TMEM38B: variants seen among roughly 807,000 people sequenced by gnomAD.
TMEM38B encodes trimeric intracellular cation channel type B.
TMEM38B carries 24 observed loss-of-function variants against 28.7 expected under a neutral mutation model. That is an observed-to-expected ratio of 0.84 (90% confidence interval 0.61 to 1.18). The LOEUF (loss-of-function observed/expected upper bound fraction) is 1.18. TMEM38B is among the 50% of genes most tolerant of loss of function. The pLI is 0.00. For missense variants in TMEM38B, 380 were observed against 350.9 expected, an observed-to-expected ratio of 1.08 and a Z score of -0.66; for synonymous variants, 131 against 127.7, an observed-to-expected ratio of 1.03 and a Z score of -0.17.
At chr9:105,759,697 C>T (rs1837964264) in intron 5 of TMEM38B, 2 of 1,598,198 alleles carry the variant, frequency 1.3e-6, no homozygotes, top group African/African-American at 1.3e-5. Flanking sequence ...AGAGTCTAAG[C>T]CCAAACAGGA....
intron 5 of TMEM38B, among the ~76,000 whole-genome samples, chr9:105,754,356 C>T (rs949411978): frequency 3.3e-5 from 5 of 152,182 alleles, no homozygotes; most frequent in Non-Finnish European, 7.3e-5. Flanking sequence ...CCACACAGCA[C>T]TTAATATAAA....
intron 1 of TMEM38B, chr9:105,701,242 C>T (rs566374784): frequency 1.0e-3 from 154 of 152,224 alleles, no homozygotes; most frequent in African/African-American, 3.5e-3. Context: ...TTTGAACTTC[C>T]TACTTTCTGG....
chr9:105,710,867 C>G, intron 2 of TMEM38B: 6 of 333,562 alleles, frequency 1.8e-5, no homozygotes, highest in South Asian at 1.7e-4. Context: ...CACACACAGC[C>G]AGAGGGCTCC....
At chr9:105,745,936 C>T (rs1837374377) in intron 4 of TMEM38B, among the ~76,000 whole-genome samples, 1 of 152,038 alleles carries the variant, frequency 6.6e-6, no homozygotes, top group African/African-American at 2.4e-5. Context: ...TTCCATTGGT[C>T]TATATCTCTG....
At position 105,748,087 on chromosome 9, in the gene TMEM38B, C is replaced by A. The variant is rs1050746594; in HGVS notation, c.557C>A (p.Thr186Asn). ...WLKMSYPAKV[T>N]LLGSVIFTFQ... ...TTTATTTTCAGCCCTGCCAAGGTAA[C>A]CCTGCTGGGGTCAGTTATCTTCACA... Residue 186 changes from threonine (T) to asparagine (N), a missense_variant, in exon 5 of 6, where the codon ACC (threonine) becomes AAC (asparagine). Transcript: ENST00000374692. 2 of 1,612,592 alleles carry A rather than the reference C, an allele frequency of 1.2e-6. No individual in the cohort carries two copies. The highest frequency in any genetic ancestry group is 1.7e-5 in the Admixed American group (1 of 59,842).
intron 2 of TMEM38B, among the ~76,000 whole-genome samples, chr9:105,708,884 T>C (rs1358367476): frequency 1.3e-5 from 2 of 152,052 alleles, no homozygotes; most frequent in African/African-American, 2.4e-5. Context: ...CTAACTATAC[T>C]GGAATAATAG....
chr9:105,756,868 A>G (rs1837851328), intron 5 of TMEM38B, among the ~76,000 whole-genome samples: 1 of 152,158 alleles, frequency 6.6e-6, no homozygotes, highest in African/African-American at 2.4e-5. Context: ...GATTTTACTG[A>G]TACTGATAAT....
chr9:105,730,564 A>G (rs1265969084), intron 4 of TMEM38B, among the ~76,000 whole-genome samples: 1 of 152,152 alleles, frequency 6.6e-6, no homozygotes, highest in Non-Finnish European at 1.5e-5. Flanking sequence ...TGGTATCAGG[A>G]TGATGCTGGC....
At position 105,773,887 on chromosome 9, in the gene TMEM38B, C is replaced by A. The variant is rs771679148; in HGVS notation, c.683C>A (p.Thr228Asn). ...CAGATAACCATGATGACTACACAGACTTCTACTATGACATTTGCTCCTTTT... is the reference window on the plus strand; with the variant it reads ...CAGATAACCATGATGACTACACAGAATTCTACTATGACATTTGCTCCTTTT... Reference protein sequence around the residue: ...ATKITMMTTQTSTMTFAPFED... With the variant: ...ATKITMMTTQNSTMTFAPFED... Residue 228 changes from threonine to asparagine, a missense_variant, in exon 6 of 6, where the codon ACT becomes AAT. Physicochemically the swap from Thr to Asn is moderately conservative, Grantham distance 65. Transcript: ENST00000374692. 1.2e-6 allele frequency: 2 copies of A among 1,613,486 alleles called. No homozygotes were observed. Among genetic ancestry groups the A allele is most frequent in the African/African-American group, 2.7e-5 (2 of 74,886 alleles).
At position 105,749,041 on chromosome 9, in the gene TMEM38B, G is replaced by A. The variant is rs1182971206; in HGVS notation, c.660+851G>A. 11 of 1,294,518 alleles carry A rather than the reference G, an allele frequency of 8.5e-6. No individual in the cohort carries two copies. The South Asian group carries it at 1.2e-4, about 15-fold the overall frequency. 80.2% of individuals were successfully genotyped at this position (1,294,518 alleles called of 1,614,324 possible). Reference sequence around the variant, plus strand: ...ATATAAATATGTGTCTTAGAATGAAGTCACTGTGTGAATCATTTATTTTTG... The same window carrying A: ...ATATAAATATGTGTCTTAGAATGAAATCACTGTGTGAATCATTTATTTTTG... On this transcript the variant is annotated intron_variant, in intron 5 of 5. Transcript: ENST00000374692.
At chr9:105,695,725 G>A (rs1588374827) in intron 1 of TMEM38B, among the ~76,000 whole-genome samples, 1 of 152,150 alleles carries the variant, frequency 6.6e-6, no homozygotes, top group Non-Finnish European at 1.5e-5. Flanking sequence ...AGGTCTGGAG[G>A]ATGATGCTGT....
At position 105,694,656 on chromosome 9, in the gene TMEM38B, T is replaced by C; in HGVS notation, c.-5T>C. 1 of 1,612,384 alleles carries C rather than the reference T, an allele frequency of 6.2e-7. No homozygotes were observed. The highest frequency in any genetic ancestry group is 8.5e-7 in the Non-Finnish European group (1 of 1,178,902). ...CTGCTTCGGTTGCCGCGGTCGGTGG[T>C]CGTTATGGATTCTCCATGGGACGAG... On this transcript the variant is annotated 5_prime_UTR_variant, in exon 1 of 6. Coordinates refer to ENST00000374692, the MANE Select transcript of TMEM38B (RefSeq NM_018112.3).
rs972469098 is a variant in TMEM38B at position 105,732,914 on chromosome 9, C to T, written c.542+10293C>T. 2.6e-5 allele frequency among the ~76,000 whole-genome samples: 4 copies of T among 152,140 alleles called. 1 individual carries two copies. Among genetic ancestry groups the T allele is most frequent in the Admixed American group, 2.0e-4 (3 of 15,268 alleles). Reference sequence around the variant, plus strand: ...TTACCTTGGACAGTATGGCCATTTTCACAATATTGATTCTTCCTGTCCATG... The same window carrying T: ...TTACCTTGGACAGTATGGCCATTTTTACAATATTGATTCTTCCTGTCCATG... On this transcript the variant is annotated intron_variant, in intron 4 of 5. Transcript: ENST00000374692.
chr9:105,747,781 T>C (rs901809014), intron 4 of TMEM38B, among the ~76,000 whole-genome samples: 10 of 152,242 alleles, frequency 6.6e-5, no homozygotes, highest in African/African-American at 9.6e-5. Flanking sequence ...GTTGTGTCGT[T>C]GTTCTCGTTG....
chr9:105,728,096 A>T (rs1326683826), intron 4 of TMEM38B, among the ~76,000 whole-genome samples: 2 of 152,010 alleles, frequency 1.3e-5, no homozygotes, highest in Admixed American at 6.6e-5. Context: ...CTTTTTTAAA[A>T]ATCATTATTA....
chr9:105,766,282 A>G (rs543628999), intron 5 of TMEM38B, among the ~76,000 whole-genome samples: 1 of 152,310 alleles, frequency 6.6e-6, no homozygotes, highest in Non-Finnish European at 1.5e-5. Context: ...ATTTGGTATT[A>G]TCAGTCATTT....
Position 105,721,603 on chromosome 9 carries a change from A to C in TMEM38B, c.336A>C (p.Leu112=), listed in dbSNP as rs371968560. The stretch of plus-strand genomic sequence containing the variant: ...GCTATTCATATCTACCTGTTCAACT[A>C]CTGGCTTCGGGAATGAAGGAAGTGA... ...SQGYSYLPVQ[L]LASGMKEVTR... is the part of the protein sequence containing the mutation. Residue 112 remains leucine, a synonymous_variant, in exon 3 of 6, where the codon CTA becomes CTC. Coordinates refer to ENST00000374692, the MANE Select transcript of TMEM38B (RefSeq NM_018112.3). The C allele has an allele frequency of 1.9e-5, 30 of 1,613,536 alleles. No individual in the cohort carries two copies. In the South Asian group the frequency reaches 2.1e-4, roughly 11 times the overall value.
intron 4 of TMEM38B, among the ~76,000 whole-genome samples, chr9:105,728,629 G>T (rs1421089941): frequency 6.6e-6 from 1 of 152,092 alleles, no homozygotes. Context: ...GGGTCAAATG[G>T]TATTTCTAGT....
chr9:105,714,675 T>C (rs1008994126), intron 2 of TMEM38B, among the ~76,000 whole-genome samples: 1 of 152,174 alleles, frequency 6.6e-6, no homozygotes, highest in African/African-American at 2.4e-5. Context: ...GCTCAAATTA[T>C]CCCATCTTCA....
Sources: gnomAD v4.1 joint callset for allele counts (sites outside exome capture counted in the v4.1 genomes callset) on GRCh38, gnomAD v4.1.1 for gene constraint, MANE v1.5 for transcripts, NCBI Gene and HGNC (gene_info 2026-07-23, HGNC 2026-07-21) for gene names.